SLC1A2: variants seen among roughly 807,000 people sequenced by gnomAD.
SLC1A2 encodes the protein solute carrier family 1 member 2.
In SLC1A2, 15 loss-of-function variants were observed where a neutral mutation model predicts 48.8. The observed-to-expected ratio is 0.31, with a 90% CI of 0.21 to 0.47. The LOEUF (loss-of-function observed/expected upper bound fraction) is 0.47, where lower values mean the gene tolerates loss of function less well. Among genes scored for constraint, SLC1A2 ranks in the 20% least tolerant of loss-of-function variants. SLC1A2 has a pLI of 0.99. For missense variants in SLC1A2, 502 were observed against 730.5 expected (o/e 0.69, Z 3.61); for synonymous variants, 279 against 272.6 (o/e 1.02, Z -0.23).
intron 1 of SLC1A2, among the ~76,000 whole-genome samples, chr11:35,390,447 G>A (rs1854727751): frequency 6.6e-6 from 1 of 151,878 alleles, no homozygotes; most frequent in African/African-American, 2.4e-5. Flanking sequence ...AATTGGTTTT[G>A]GCCTGCAGTT....
chr11:35,403,739 A>G (rs1855199009), intron 1 of SLC1A2, among the ~76,000 whole-genome samples: 1 of 151,992 alleles, frequency 6.6e-6, no homozygotes, highest in Non-Finnish European at 1.5e-5. Flanking sequence ...GAACTCATCC[A>G]GTGAGCTCTT....
chr11:35,381,156 C>T (rs1228902320), intron 1 of SLC1A2, among the ~76,000 whole-genome samples: 1 of 152,054 alleles, frequency 6.6e-6, no homozygotes, highest in Non-Finnish European at 1.5e-5. Context: ...TTTTGGGCAG[C>T]CACCTTTTCC....
intron 1 of SLC1A2, among the ~76,000 whole-genome samples, chr11:35,395,219 C>T (rs1160646785): frequency 6.6e-6 from 1 of 151,606 alleles, no homozygotes; most frequent in Non-Finnish European, 1.5e-5. Context: ...TGCACCAACA[C>T]AGAGCTAATC....
chr11:35,369,967 T>G (rs1165423707), intron 1 of SLC1A2, among the ~76,000 whole-genome samples: 1 of 152,096 alleles, frequency 6.6e-6, no homozygotes, highest in Non-Finnish European at 1.5e-5. Context: ...AAGTAAAACT[T>G]ACCAGACTCA....
intron 1 of SLC1A2, among the ~76,000 whole-genome samples, chr11:35,367,293 G>T (rs532795769): frequency 6.6e-6 from 1 of 152,300 alleles, no homozygotes; most frequent in East Asian, 1.9e-4. Flanking sequence ...GGGAAAAAGA[G>T]ACTCAAGATG....
rs75446199 is a variant in SLC1A2, at chr11:35,324,929, T to A, written c.18-7413A>T. On this transcript the variant is annotated intron_variant, in intron 1 of 10. Transcript: ENST00000278379. ...TGAGAGACTGGGGTGGGGTGTTTGATCATCTCAAATTGGGAACCTCTTCTA... is the reference window on the plus strand; with the variant it reads ...TGAGAGACTGGGGTGGGGTGTTTGAACATCTCAAATTGGGAACCTCTTCTA... 3.9e-5 allele frequency among the ~76,000 whole-genome samples: 6 copies of A among 152,208 alleles called. No individual in the cohort carries two copies. The East Asian group carries it at 9.7e-4, about 24-fold the overall frequency.
intron 9 of SLC1A2, among the ~76,000 whole-genome samples, chr11:35,272,845 C>T (rs1850320650): frequency 6.6e-6 from 1 of 152,126 alleles, no homozygotes; most frequent in South Asian, 2.1e-4. Flanking sequence ...TAGAGGTCAC[C>T]AGGAACCAAA....
At chr11:35,321,121 G>GGGGAGAAGCGCCAAGCAAAAGT (rs1214300304) in intron 1 of SLC1A2, among the ~76,000 whole-genome samples, 2 of 152,248 alleles carry the variant, frequency 1.3e-5, no homozygotes, top group East Asian at 3.9e-4. Flanking sequence ...CAAGCAAAAG[G>GGGGAGAAGCGCCAAGCAAAAGT]GGGAAAAGCC....
At chr11:35,377,846 G>GA (rs1159822909) in intron 1 of SLC1A2, among the ~76,000 whole-genome samples, 2 of 152,192 alleles carry the variant, frequency 1.3e-5, no homozygotes, top group African/African-American at 4.8e-5. Flanking sequence ...TTTACATACT[G>GA]ACATGTTCTA....
intron 10 of SLC1A2, among the ~76,000 whole-genome samples, chr11:35,261,507 G>A (rs1324885858): frequency 1.3e-5 from 2 of 152,210 alleles, no homozygotes; most frequent in African/African-American, 4.8e-5. Context: ...AAAAGTCTGA[G>A]ATTGGTGACA....
chr11:35,366,998 G>T (rs143363053), intron 1 of SLC1A2, among the ~76,000 whole-genome samples: 87 of 152,290 alleles, frequency 5.7e-4, no homozygotes, highest in Non-Finnish European at 1.0e-3. Context: ...CTAATACAGG[G>T]CTTCTCACTC....
intron 1 of SLC1A2, among the ~76,000 whole-genome samples, chr11:35,371,443 A>G (rs1317677935): frequency 6.6e-6 from 1 of 152,186 alleles, no homozygotes; most frequent in African/African-American, 2.4e-5. Context: ...GCCACTGGGC[A>G]GTCTACAACA....
At chr11:35,333,827 A>ATTTTTTTTTT (rs373988431) in intron 1 of SLC1A2, among the ~76,000 whole-genome samples, 79 of 126,176 alleles carry the variant, frequency 6.3e-4, no homozygotes, top group Non-Finnish European at 9.9e-4. Context: ...ATGCCAGCTA[A>ATTTTTTTTTT]TTTTTTTTTT....
intron 1 of SLC1A2, among the ~76,000 whole-genome samples, chr11:35,375,895 A>C (rs1430658552): frequency 1.3e-5 from 2 of 152,198 alleles, no homozygotes; most frequent in Non-Finnish European, 2.9e-5. Flanking sequence ...CAATTGGTAG[A>C]CTAGGACATC....
intron 6 of SLC1A2, among the ~76,000 whole-genome samples, chr11:35,295,232 T>G (rs1413638829): frequency 6.6e-6 from 1 of 151,962 alleles, no homozygotes; most frequent in African/African-American, 2.4e-5. Flanking sequence ...TTATTTTTAT[T>G]TTTGTAGGAG....
At chr11:35,272,518 C>T (rs1850307632) in intron 9 of SLC1A2, among the ~76,000 whole-genome samples, 1 of 152,208 alleles carries the variant, frequency 6.6e-6, no homozygotes, top group Non-Finnish European at 1.5e-5. Context: ...ACCCTTGAGG[C>T]TGCCAGGGGA....
At chr11:35,311,928 G>C (rs1289751510) in intron 4 of SLC1A2, among the ~76,000 whole-genome samples, 2 of 22,498 alleles carry the variant, frequency 8.9e-5, no homozygotes, top group Non-Finnish European at 1.3e-4. Context: ...GAGAGGCGGG[G>C]GGGGGGGGTG....
chr11:35,321,143 C>T (rs1852051568), intron 1 of SLC1A2, among the ~76,000 whole-genome samples: 1 of 152,102 alleles, frequency 6.6e-6, no homozygotes, highest in Non-Finnish European at 1.5e-5. Flanking sequence ...CTTATAAAAC[C>T]ACCAGATATT....
Position 35,273,625 on chromosome 11 carries a change from T to A in SLC1A2, c.1421+7242A>T, listed in dbSNP as rs1850350235. On this transcript the variant is annotated intron_variant, in intron 9 of 10. Transcript: ENST00000278379. Reference sequence around the variant, plus strand: ...AAGGGGATCAGAGCATTTTCTCTTTTATTCCTCCCTACACCTTATCCATTT... The same window carrying A: ...AAGGGGATCAGAGCATTTTCTCTTTAATTCCTCCCTACACCTTATCCATTT... Among the ~76,000 whole-genome samples, 7 of 152,184 alleles carry A rather than the reference T, an allele frequency of 4.6e-5. No homozygotes were observed. In the South Asian group the frequency reaches 1.4e-3, roughly 32 times the overall value.
Sources: gnomAD v4.1 joint callset for allele counts (sites outside exome capture counted in the v4.1 genomes callset) on GRCh38, gnomAD v4.1.1 for gene constraint, MANE v1.5 for transcripts, NCBI Gene and HGNC (gene_info 2026-07-23, HGNC 2026-07-21) for gene names.